DLGAP2: variants seen among roughly 807,000 people sequenced by gnomAD.
The protein encoded by DLGAP2 is disks large-associated protein 2.
DLGAP2 carries 26 observed loss-of-function variants against 100.3 expected under a neutral mutation model. The observed-to-expected ratio is 0.26, with a 90% CI of 0.19 to 0.36. DLGAP2 has a LOEUF of 0.36. DLGAP2 is among the 10% of genes least tolerant of loss of function. The pLI is 1.00. For synonymous variants in DLGAP2, 886 were observed against 630.1 expected (o/e 1.41, Z -6.08); for missense variants, 1,858 against 1,453.2 (o/e 1.28, Z -4.53).
intron 2 of DLGAP2, among the ~76,000 whole-genome samples, chr8:1,164,107 T>G (rs1208399324): frequency 2.0e-5 from 2 of 101,396 alleles, no homozygotes; most frequent in Non-Finnish European, 4.9e-5. Context: ...CAGATTTTTC[T>G]GTGAGCCCGC....
chr8:1,678,343 C>T lies in DLGAP2; in HGVS notation c.2418C>T (p.His806=), dbSNP rs1241749474. The change falls in exon 12 of 15, where the codon CAC becomes CAT. Residue 806 remains histidine, a synonymous_variant. Transcript: ENST00000637795. ...GLQFGSSFQR[H]SEPSTPTQYS... is the part of the protein sequence containing the mutation. The stretch of plus-strand genomic sequence containing the variant: ...AGTTCGGCTCATCCTTCCAGCGGCA[C>T]TCCGAGCCCAGCACCCCCACCCAGT... The T allele has an allele frequency of 3.1e-6, 5 of 1,613,930 alleles. No individual in the cohort carries two copies. In the East Asian group the frequency reaches 1.1e-4, roughly 36 times the overall value.
Position 853,290 on chromosome 8 carries a change from T to C in DLGAP2, c.19-54622T>C, listed in dbSNP as rs961109115. Among the ~76,000 whole-genome samples, 4 of 152,310 alleles carry C rather than the reference T, an allele frequency of 2.6e-5. No individual in the cohort carries two copies. The East Asian group carries it at 5.8e-4, about 22-fold the overall frequency. ...GAAACGAGATGGAAGCTTCCAGAGC[T>C]GTTCCCCACAGAGTCCCAGGAGGGG... is the stretch of plus-strand genomic sequence containing the variant. On this transcript the variant is annotated intron_variant, in intron 1 of 14. Coordinates refer to ENST00000637795, the MANE Select transcript of DLGAP2 (RefSeq NM_001346810.2).
intron 4 of DLGAP2, among the ~76,000 whole-genome samples, chr8:1,544,508 C>CT (rs1435325262): frequency 6.6e-6 from 1 of 152,150 alleles, no homozygotes; most frequent in East Asian, 1.9e-4. Context: ...TCCTAGTTCT[C>CT]TGAGTGTTTT....
intron 2 of DLGAP2, among the ~76,000 whole-genome samples, chr8:1,201,003 CGGACCCCACCGTTAG>C (rs1295993075): frequency 6.6e-6 from 1 of 152,178 alleles, no homozygotes; most frequent in Non-Finnish European, 1.5e-5. Context: ...GCTGTCTCCC[CGGACCCCACCGTTAG>C]GGACCCACAC....
chr8:1,521,990 C>A lies in DLGAP2; in HGVS notation c.172+20559C>A, dbSNP rs571337607. Reference sequence around the variant, plus strand: ...ATATGGGGCGTCTCTGGTTTGCACACTTGTTTTAATTTGGAATACTCGGGG... The same window carrying A: ...ATATGGGGCGTCTCTGGTTTGCACAATTGTTTTAATTTGGAATACTCGGGG... On this transcript the variant is annotated intron_variant, in intron 4 of 14. Coordinates refer to ENST00000637795, the MANE Select transcript of DLGAP2 (RefSeq NM_001346810.2). Among the ~76,000 whole-genome samples the A allele has an allele frequency of 8.9e-5, 13 of 145,560 alleles. No homozygotes were observed. The South Asian group carries it at 2.9e-3, about 32-fold the overall frequency.
At chr8:1,386,551 G>C (rs1443974030) in intron 3 of DLGAP2, among the ~76,000 whole-genome samples, 2 of 152,336 alleles carry the variant, frequency 1.3e-5, no homozygotes, top group East Asian at 3.9e-4. Context: ...CCACCGGCCA[G>C]ATGTGAGAGT....
rs370669061 is a variant in DLGAP2, at chr8:833,404, C to T, written c.19-74508C>T. 3.3e-5 allele frequency among the ~76,000 whole-genome samples: 5 copies of T among 152,130 alleles called. No homozygotes were observed. In the South Asian group the frequency reaches 1.0e-3, roughly 32 times the overall value. On this transcript the variant is annotated intron_variant, in intron 1 of 14. Coordinates refer to ENST00000637795, the MANE Select transcript of DLGAP2 (RefSeq NM_001346810.2). ...AATCCGGGTGTCAGCCAGGCCAGCT[C>T]CTCTTGAGGTTCTGGGGGGACCTGT...
At chr8:942,929 C>T (rs1026150439) in intron 2 of DLGAP2, among the ~76,000 whole-genome samples, 47 of 152,244 alleles carry the variant, frequency 3.1e-4, no homozygotes, top group African/African-American at 1.1e-3. Flanking sequence ...ATGTTTGCCT[C>T]TCCAGTGATG....
chr8:825,400 C>G (rs747785847), intron 1 of DLGAP2, among the ~76,000 whole-genome samples: 11 of 152,192 alleles, frequency 7.2e-5, no homozygotes, highest in South Asian at 4.1e-4. Context: ...GGTGTGGAGG[C>G]TGTTCCACAG....
intron 2 of DLGAP2, among the ~76,000 whole-genome samples, chr8:1,236,764 C>T (rs1195646914): frequency 1.7e-5 from 1 of 57,412 alleles, no homozygotes; most frequent in African/African-American, 8.5e-5. Context: ...CACATGGCGC[C>T]GTGTCTAGTT....
chr8:1,140,431 C>G (rs1234218153), intron 2 of DLGAP2, among the ~76,000 whole-genome samples: 1 of 150,422 alleles, frequency 6.6e-6, no homozygotes, highest in African/African-American at 2.4e-5. Context: ...TACCAGTGGT[C>G]TGTCCCAGCA....
intron 4 of DLGAP2, among the ~76,000 whole-genome samples, chr8:1,502,390 C>T (rs547014541): frequency 6.6e-6 from 1 of 152,250 alleles, no homozygotes; most frequent in South Asian, 2.1e-4. Context: ...TGAAGGAGTC[C>T]ACTTTGTATA....
At chr8:794,661 C>T (rs920896965) in intron 1 of DLGAP2, among the ~76,000 whole-genome samples, 2 of 152,198 alleles carry the variant, frequency 1.3e-5, no homozygotes, top group African/African-American at 4.8e-5. Flanking sequence ...AACCCACAAC[C>T]TTCCAGCTTG....
At chr8:1,580,817 A>G (rs1803209958) in intron 6 of DLGAP2, among the ~76,000 whole-genome samples, 1 of 151,948 alleles carries the variant, frequency 6.6e-6, no homozygotes, top group Non-Finnish European at 1.5e-5. Flanking sequence ...AACTACCAGA[A>G]GTGAAGGATA....
chr8:1,184,825 C>T (rs777780660), intron 2 of DLGAP2, among the ~76,000 whole-genome samples: 3 of 152,154 alleles, frequency 2.0e-5, no homozygotes, highest in Non-Finnish European at 4.4e-5. Flanking sequence ...GCTCTGCGCA[C>T]GTTGCACGCC....
At chr8:850,569 G>A (rs772450357) in intron 1 of DLGAP2, among the ~76,000 whole-genome samples, 43 of 152,290 alleles carry the variant, frequency 2.8e-4, no homozygotes, top group African/African-American at 1.0e-3. Flanking sequence ...ATATTTGTGT[G>A]TCTGTGTGTA....
At chr8:1,200,910 C>T (rs1797856643) in intron 2 of DLGAP2, among the ~76,000 whole-genome samples, 1 of 152,238 alleles carries the variant, frequency 6.6e-6, no homozygotes, top group Non-Finnish European at 1.5e-5. Context: ...CTCCACGCCG[C>T]CTCCGGGCGG....
intron 2 of DLGAP2, among the ~76,000 whole-genome samples, chr8:1,193,613 T>G (rs1456016771): frequency 1.3e-5 from 2 of 152,158 alleles, no homozygotes; most frequent in Non-Finnish European, 2.9e-5. Flanking sequence ...ATTATCTGTG[T>G]GTCCGCTGGT....
At chr8:773,002 G>T (rs1821406179) in intron 1 of DLGAP2, among the ~76,000 whole-genome samples, 1 of 152,182 alleles carries the variant, frequency 6.6e-6, no homozygotes, top group Non-Finnish European at 1.5e-5. Flanking sequence ...GTAACAGTAG[G>T]ATGGCATGGA....
Sources: allele counts gnomAD v4.1 joint callset (sites outside exome capture counted in the v4.1 genomes callset), GRCh38; gene constraint gnomAD v4.1.1; transcripts MANE v1.5; gene names NCBI Gene and HGNC (gene_info 2026-07-23, HGNC 2026-07-21).